Variants in PALB2 observed in about 807,000 individuals in gnomAD.
The protein encoded by PALB2 is partner and localizer of BRCA2.
A neutral mutation model predicts 107.4 loss-of-function variants in PALB2; 82 were observed. The observed-to-expected ratio is 0.76, with a 90% CI of 0.64 to 0.92. The LOEUF (loss-of-function observed/expected upper bound fraction) is 0.92, where lower values mean the gene tolerates loss of function less well. PALB2 is among the 40% of genes least tolerant of loss of function. The probability of loss-of-function intolerance (pLI) is 0.00; values close to 1 mark genes in which losing one functional copy is unlikely to be tolerated. For missense variants in PALB2, 1,374 were observed against 1,379.9 expected (o/e 1.00, Z 0.07); for synonymous variants, 489 against 496.8 (o/e 0.98, Z 0.21).
At chr16:23,640,599 G>A (rs1449324221) in intron 1 of PALB2, 1 of 233,186 alleles carries the variant, frequency 4.3e-6, no homozygotes, top group Non-Finnish European at 8.5e-6. Flanking sequence ...AAGAAAGCAA[G>A]GTAGATAAAC....
Position 23,641,089 on chromosome 16 carries a change from C to T in PALB2, c.48+21G>A, listed in dbSNP as rs770451617. The T allele has an allele frequency of 4.2e-5, 67 of 1,612,260 alleles. 1 individual carries two copies. Among genetic ancestry groups the T allele is most frequent in the Non-Finnish European group, 5.3e-5 (63 of 1,179,360 alleles). On this transcript the variant is annotated intron_variant, in intron 1 of 12. Coordinates refer to ENST00000261584, the MANE Select transcript of PALB2 (RefSeq NM_024675.4). Reference sequence around the variant, plus strand: ...AAGCGGGGTCAGAGTCCTGCGTCCGCCCTTCCCGCACCCCCGGCACCTTTT... The same window carrying T: ...AAGCGGGGTCAGAGTCCTGCGTCCGTCCTTCCCGCACCCCCGGCACCTTTT...
intron 9 of PALB2, 125 bp downstream of exon 9, chr16:23,622,844 C>T (rs570936520): frequency 1.1e-5 from 11 of 1,043,944 alleles, no homozygotes; most frequent in South Asian, 3.9e-5. Flanking sequence ...AGTGTTGATG[C>T]GGTACATGCT....
rs770692850 is a variant in PALB2, at chr16:23,603,470, G to A, written c.3550C>T (p.His1184Tyr). 6.2e-7 allele frequency: 1 copy of A among 1,612,020 alleles called. No homozygotes were observed. The highest frequency in any genetic ancestry group is 8.5e-7 in the Non-Finnish European group (1 of 1,178,116). The change falls in exon 13 of 13, where the codon CAC becomes TAC. Residue 1184 changes from histidine (H) to tyrosine (Y), a missense_variant. Transcript: ENST00000261584. ...CACTTTACCCTAACTTATGAATAGTGGTATACAAATATATTTCCATCTTTT... is the reference window on the plus strand; with the variant it reads ...CACTTTACCCTAACTTATGAATAGTAGTATACAAATATATTTCCATCTTTT... ...GQKDGNIFVY[H>Y]YS
chr16:23,620,971 G>C (rs1015905246), intron 10 of PALB2, among the ~76,000 whole-genome samples: 1 of 152,210 alleles, frequency 6.6e-6, no homozygotes, highest in Non-Finnish European at 1.5e-5. Context: ...CATTTTGGGA[G>C]TCTGAGGCAG....
chr16:23,614,694 A>G (rs1321516916), intron 10 of PALB2, among the ~76,000 whole-genome samples: 1 of 117,196 alleles, frequency 8.5e-6, no homozygotes, highest in East Asian at 2.6e-4. Flanking sequence ...TCTGTGGCCC[A>G]GGCTGGAGTG....
At chr16:23,614,990 C>T (rs1426430474) in intron 10 of PALB2, among the ~76,000 whole-genome samples, 7 of 142,938 alleles carry the variant, frequency 4.9e-5, no homozygotes, top group South Asian at 2.2e-4. Context: ...CGCTCTGTCA[C>T]CCAGGCTGAG....
intron 10 of PALB2, among the ~76,000 whole-genome samples, chr16:23,620,946 C>T (rs1006231603): frequency 6.6e-6 from 1 of 152,136 alleles, no homozygotes; most frequent in Non-Finnish European, 1.5e-5. Flanking sequence ...CGGTGGCTCA[C>T]TCCTGTAATC....
intron 4 of PALB2, among the ~76,000 whole-genome samples, chr16:23,634,633 C>CTTAATT (rs1966937152): frequency 2.8e-5 from 4 of 145,060 alleles, no homozygotes; most frequent in African/African-American, 1.0e-4. Context: ...GCCCCTGTCT[C>CTTAATT]TTTATTTTTA....
chr16:23,605,440 G>C lies in PALB2; in HGVS notation c.3351-1771C>G, dbSNP rs544938905. ...TTGTTTGTTTTTGAGACAGAGCCTT[G>C]CTCTGTCACCCAGGCTGAAGTGCAA... On this transcript the variant is annotated intron_variant, in intron 12 of 12. Coordinates refer to ENST00000261584, the MANE Select transcript of PALB2 (RefSeq NM_024675.4). Among the ~76,000 whole-genome samples the C allele has an allele frequency of 4.6e-5, 7 of 152,154 alleles. No individual in the cohort carries two copies. The East Asian group carries it at 1.4e-3, about 29-fold the overall frequency.
intron 4 of PALB2, 42 bp downstream of exon 4, chr16:23,634,820 T>TTCATCA (rs368593832): frequency 8.2e-6 from 13 of 1,582,710 alleles, no homozygotes; most frequent in South Asian, 3.4e-5. Context: ...ATTGTTAACT[T>TTCATCA]TCATCATCAT....
At chr16:23,629,402 A>G in intron 5 of PALB2, 127 bp from the exon 6 acceptor site, 6 of 977,042 alleles carry the variant, frequency 6.1e-6, no homozygotes, top group Non-Finnish European at 9.6e-6. Context: ...AAAGCTCCAA[A>G]TGCAAACTGT....
At position 23,635,502 on chromosome 16, in the gene PALB2, T is replaced by C. The variant is rs1597097374; in HGVS notation, c.1044A>G (p.Gln348=). The change falls in exon 4 of 13, where the codon CAA becomes CAG. Residue 348 remains glutamine (Q), a synonymous_variant. Transcript: ENST00000261584. ...ATTTTAAAGATTTCTCTGTTTGATT[T>C]TGTTCTTTTAAGTTTTGGTTTTCAT... ...PANENQNLKE[Q]NQTEKSLKSP... is the part of the protein sequence containing the mutation. The C allele has an allele frequency of 1.2e-6, 2 of 1,614,048 alleles. No homozygotes were observed. Among genetic ancestry groups the C allele is most frequent in the Non-Finnish European group, 1.7e-6 (2 of 1,179,964 alleles).
At chr16:23,621,316 C>T (rs763100662) in intron 10 of PALB2, 46 bp downstream of exon 10, 2 of 1,227,858 alleles carry the variant, frequency 1.6e-6, no homozygotes, top group South Asian at 1.2e-5. Flanking sequence ...GAGGTATATC[C>T]TCATACTACA....
intron 11 of PALB2, among the ~76,000 whole-genome samples, chr16:23,609,020 G>A (rs1966535305): frequency 6.6e-6 from 1 of 151,878 alleles, no homozygotes; most frequent in Admixed American, 6.6e-5. Flanking sequence ...TAGAGACAGG[G>A]TTTCACCACG....
At chr16:23,633,809 T>C (rs1966917020) in intron 4 of PALB2, among the ~76,000 whole-genome samples, 1 of 152,036 alleles carries the variant, frequency 6.6e-6, no homozygotes, top group Non-Finnish European at 1.5e-5. Context: ...GCTCAAGTGA[T>C]CCTCCCACCT....
At chr16:23,613,941 A>C in intron 11 of PALB2, 63 bp downstream of exon 11, 2 of 1,214,054 alleles carry the variant, frequency 1.6e-6, no homozygotes, top group Non-Finnish European at 1.2e-6. Context: ...CTTATGACTT[A>C]CTGCTCTCAC....
chr16:23,620,919 C>A (rs566176639), intron 10 of PALB2, among the ~76,000 whole-genome samples: 38 of 152,224 alleles, frequency 2.5e-4, no homozygotes, highest in African/African-American at 9.1e-4. Context: ...CTAAAAAATA[C>A]AAAAATTAGC....
intron 10 of PALB2, among the ~76,000 whole-genome samples, chr16:23,620,548 T>A (rs947399465): frequency 2.6e-5 from 4 of 152,224 alleles, no homozygotes; most frequent in African/African-American, 9.6e-5. Flanking sequence ...TGTTCTCTGG[T>A]GCCTTTAGAA....
rs1254059410 is a variant in PALB2 at position 23,630,472 on chromosome 16, A to G, written c.1685-3T>C. ...TTTTTGATGACGACTTTTCTTCCCT[A>G]AAGAAGAAAAATAAGTCACAAAATA... On this transcript the variant is annotated splice_region_variant and splice_polypyrimidine_tract_variant and intron_variant, in intron 4 of 12. Coordinates refer to ENST00000261584, the MANE Select transcript of PALB2 (RefSeq NM_024675.4). 2.5e-6 allele frequency: 4 copies of G among 1,599,904 alleles called. No individual in the cohort carries two copies. Among genetic ancestry groups the G allele is most frequent in the Non-Finnish European group, 3.4e-6 (4 of 1,169,872 alleles).
Sources: allele counts gnomAD v4.1 joint callset (sites outside exome capture counted in the v4.1 genomes callset), GRCh38; gene constraint gnomAD v4.1.1; transcripts MANE v1.5; gene names NCBI Gene and HGNC (gene_info 2026-07-23, HGNC 2026-07-21).